Variants in ADCY1 observed in about 807,000 individuals in gnomAD.
ADCY1 encodes the protein adenylate cyclase type 1.
Under a neutral mutation model 105.4 loss-of-function variants are expected in ADCY1, and 28 were observed. The observed-to-expected ratio is 0.27, with a 90% CI of 0.20 to 0.36. The LOEUF (loss-of-function observed/expected upper bound fraction) is 0.36, where lower values mean the gene tolerates loss of function less well. Ranked by LOEUF, ADCY1 falls within the 10% of genes least tolerant of loss-of-function variation. ADCY1 has a pLI of 1.00. For synonymous variants in ADCY1, 655 were observed against 623.8 expected (o/e 1.05, Z -0.75); for missense variants, 977 against 1,434.2 (o/e 0.68, Z 5.15).
chr7:45,677,772 C>T (rs1391574252), intron 8 of ADCY1, 97 bp from the exon 9 acceptor site: 2 of 1,350,252 alleles, frequency 1.5e-6, no homozygotes. Flanking sequence ...AACCCGACCC[C>T]ACCCTGCAGC....
chr7:45,600,768 ATCT>A (rs1438668952), intron 2 of ADCY1, among the ~76,000 whole-genome samples: 2 of 152,166 alleles, frequency 1.3e-5, no homozygotes, highest in Non-Finnish European at 2.9e-5. Flanking sequence ...ACCGATGGCC[ATCT>A]TCTCCCTGTG....
At chr7:45,625,309 C>G (rs182301845) in intron 4 of ADCY1, among the ~76,000 whole-genome samples, 65 of 152,344 alleles carry the variant, frequency 4.3e-4, no homozygotes, top group African/African-American at 1.5e-3. Flanking sequence ...GACACTGATT[C>G]ATGCCTGGGA....
intron 4 of ADCY1, among the ~76,000 whole-genome samples, chr7:45,637,669 G>A (rs566897353): frequency 3.9e-5 from 6 of 152,334 alleles, no homozygotes; most frequent in South Asian, 2.1e-4. Context: ...AGACTGCAGC[G>A]AACTATGATC....
chr7:45,624,013 G>A (rs1793980831), intron 4 of ADCY1, among the ~76,000 whole-genome samples: 1 of 152,224 alleles, frequency 6.6e-6, no homozygotes, highest in Non-Finnish European at 1.5e-5. Context: ...TGAGATCAGT[G>A]TGAGAGGAAG....
intron 14 of ADCY1, among the ~76,000 whole-genome samples, chr7:45,701,979 C>T (rs1216652279): frequency 1.3e-5 from 2 of 152,238 alleles, no homozygotes; most frequent in Non-Finnish European, 2.9e-5. Context: ...CCATGGATCG[C>T]ACTGATTCGC....
At chr7:45,586,623 G>T in intron 1 of ADCY1, among the ~76,000 whole-genome samples, 1 of 152,182 alleles carries the variant, frequency 6.6e-6, no homozygotes, top group Non-Finnish European at 1.5e-5. Flanking sequence ...CCACTTGTGT[G>T]AGACACTGAA....
chr7:45,625,246 C>T (rs1794018916), intron 4 of ADCY1, among the ~76,000 whole-genome samples: 1 of 152,208 alleles, frequency 6.6e-6, no homozygotes, highest in Admixed American at 6.5e-5. Context: ...TCTGTCATCT[C>T]ATGTTTCCAT....
intron 2 of ADCY1, among the ~76,000 whole-genome samples, chr7:45,600,144 C>T (rs7810126): frequency 2.0e-5 from 3 of 152,158 alleles, no homozygotes; most frequent in East Asian, 1.9e-4. Context: ...TGAGGACATG[C>T]GATCTGCTGT....
chr7:45,637,239 G>T (rs1794415037), intron 4 of ADCY1, among the ~76,000 whole-genome samples: 1 of 152,080 alleles, frequency 6.6e-6, no homozygotes, highest in Non-Finnish European at 1.5e-5. Flanking sequence ...TGGCCTTTAT[G>T]ACATTGTTCC....
intron 6 of ADCY1, among the ~76,000 whole-genome samples, chr7:45,659,525 C>T (rs192326484): frequency 3.3e-5 from 5 of 152,262 alleles, no homozygotes; most frequent in Admixed American, 6.5e-5. Context: ...GTTGGGGAGG[C>T]GTGAATGCCT....
At chr7:45,627,450 C>T (rs1794094163) in intron 4 of ADCY1, among the ~76,000 whole-genome samples, 1 of 152,206 alleles carries the variant, frequency 6.6e-6, no homozygotes, top group African/African-American at 2.4e-5. Flanking sequence ...CTGTGGACAG[C>T]CCATACACAT....
chr7:45,602,384 G>A (rs6955293), intron 2 of ADCY1, among the ~76,000 whole-genome samples: 4,495 of 152,152 alleles, frequency 0.03, 81 homozygotes, highest in African/African-American at 0.05. Flanking sequence ...TGTCCAGGAA[G>A]CCCTGTATCC....
chr7:45,616,024 A>T (rs2115895953), intron 3 of ADCY1, among the ~76,000 whole-genome samples: 1 of 152,332 alleles, frequency 6.6e-6, no homozygotes, highest in South Asian at 2.1e-4. Context: ...AACTGAGGCC[A>T]CAAAAATGAA....
At chr7:45,602,660 A>G (rs138902804) in intron 2 of ADCY1, among the ~76,000 whole-genome samples, 11 of 152,310 alleles carry the variant, frequency 7.2e-5, no homozygotes, top group Non-Finnish European at 1.3e-4. Flanking sequence ...ACCTTCTCAA[A>G]CAACTACCGT....
chr7:45,604,233 C>G (rs1456494320), intron 2 of ADCY1, among the ~76,000 whole-genome samples: 2 of 152,066 alleles, frequency 1.3e-5, no homozygotes, highest in African/African-American at 2.4e-5. Context: ...TTTGAGAGTT[C>G]TTTATATGTT....
chr7:45,657,424 C>T (rs1352229732), intron 5 of ADCY1, among the ~76,000 whole-genome samples: 1 of 152,238 alleles, frequency 6.6e-6, no homozygotes, highest in Non-Finnish European at 1.5e-5. Context: ...TGGGGACTGC[C>T]CTGGTCAGGG....
intron 11 of ADCY1, among the ~76,000 whole-genome samples, chr7:45,681,490 C>T (rs1784554689): frequency 6.6e-6 from 1 of 152,130 alleles, no homozygotes; most frequent in African/African-American, 2.4e-5. Flanking sequence ...GTTCGAAAAG[C>T]AGTGGGGGTC....
chr7:45,576,134 A>G (rs952652738), intron 1 of ADCY1, among the ~76,000 whole-genome samples: 1 of 152,220 alleles, frequency 6.6e-6, no homozygotes, highest in African/African-American at 2.4e-5. Flanking sequence ...GTATGACTCA[A>G]ATGGAGTGGG....
At chr7:45,635,611 T>G (rs1188490675) in intron 4 of ADCY1, among the ~76,000 whole-genome samples, 5 of 138,648 alleles carry the variant, frequency 3.6e-5, no homozygotes, top group Admixed American at 2.8e-4. Flanking sequence ...GTTTTTTTTT[T>G]TTTTTTTTTT....
Sources: allele counts gnomAD v4.1 joint callset (sites outside exome capture counted in the v4.1 genomes callset), GRCh38; gene constraint gnomAD v4.1.1; transcripts MANE v1.5; gene names NCBI Gene and HGNC (gene_info 2026-07-23, HGNC 2026-07-21).